Variants in CPEB1 observed in about 807,000 individuals in gnomAD.
CPEB1 encodes the protein cytoplasmic polyadenylation element-binding protein 1.
CPEB1 carries 7 observed loss-of-function variants against 65.8 expected under a neutral mutation model. The ratio of observed to expected loss-of-function variants is 0.11; its 90% confidence interval spans 0.06 to 0.20. The LOEUF (loss-of-function observed/expected upper bound fraction) is 0.20, where lower values mean the gene tolerates loss of function less well. Among genes scored for constraint, CPEB1 ranks in the 10% least tolerant of loss-of-function variants. The probability of loss-of-function intolerance (pLI) is 1.00; values close to 1 mark genes in which losing one functional copy is unlikely to be tolerated. For missense variants in CPEB1, 551 were observed against 712.2 expected (o/e 0.77, Z 2.58); for synonymous variants, 262 against 260.0 (o/e 1.01, Z -0.08).
At chr15:82,615,197 T>C (rs531636476) in intron 3 of CPEB1, among the ~76,000 whole-genome samples, 9 of 152,284 alleles carry the variant, frequency 5.9e-5, no homozygotes, top group South Asian at 2.1e-4. Context: ...AAACGGACAA[T>C]GTTTTTTCAA....
intron 10 of CPEB1, chr15:82,548,855 A>G: frequency 3.5e-5 from 12 of 346,900 alleles, no homozygotes; most frequent in South Asian, 2.5e-4. Flanking sequence ...GCCACATGTT[A>G]ATCACAGAGG....
At position 82,547,120 on chromosome 15, in the gene CPEB1, A is replaced by C. The variant is rs200967570; in HGVS notation, c.1575+23T>G. Reference sequence around the variant, plus strand: ...AACCCCTCTCATATACCCCAGAGTAAGGGCATAAACCAGCCAACTCACCTT... The same window carrying C: ...AACCCCTCTCATATACCCCAGAGTACGGGCATAAACCAGCCAACTCACCTT... On this transcript the variant is annotated intron_variant, in intron 11 of 12. Transcript: ENST00000684509. 6.0e-5 allele frequency: 93 copies of C among 1,541,830 alleles called. No individual in the cohort carries two copies. The African/African-American group carries it at 1.2e-3, about 19-fold the overall frequency.
At chr15:82,612,881 A>G (rs1372893826) in intron 3 of CPEB1, among the ~76,000 whole-genome samples, 1 of 152,086 alleles carries the variant, frequency 6.6e-6, no homozygotes, top group Non-Finnish European at 1.5e-5. Flanking sequence ...AAACAAACAA[A>G]AAACTGAATC....
At chr15:82,603,252 G>C (rs1311696078) in intron 3 of CPEB1, among the ~76,000 whole-genome samples, 1 of 151,958 alleles carries the variant, frequency 6.6e-6, no homozygotes, top group Non-Finnish European at 1.5e-5. Flanking sequence ...GTCATTACTT[G>C]ACCTTTTACA....
chr15:82,637,405 C>T (rs1208911385), intron 1 of CPEB1, among the ~76,000 whole-genome samples: 4 of 152,114 alleles, frequency 2.6e-5, no homozygotes, highest in East Asian at 1.9e-4. Flanking sequence ...CTTGGTTATA[C>T]CTGCCACAGC....
upstream of CPEB1, chr15:82,647,889 C>G: frequency 8.1e-7 from 1 of 1,237,506 alleles, no homozygotes; most frequent in Non-Finnish European, 1.0e-6. Flanking sequence ...TGTGGCCCTG[C>G]GGGGCTGACG....
Position 82,627,387 on chromosome 15 carries a change from G to A in CPEB1, c.97-20C>T. Reference sequence around the variant, plus strand: ...TTCTTCCTAGACACAGAAAAAAAAAGATATTTAGGTTTTCTACACTCCTTT... The same window carrying A: ...TTCTTCCTAGACACAGAAAAAAAAAAATATTTAGGTTTTCTACACTCCTTT... On this transcript the variant is annotated intron_variant, in intron 2 of 12. Transcript: ENST00000684509. 1 of 1,584,454 alleles carries A rather than the reference G, an allele frequency of 6.3e-7. No individual in the cohort carries two copies. Among genetic ancestry groups the A allele is most frequent in the East Asian group, 2.2e-5 (1 of 44,576 alleles).
rs940990247 is a variant in CPEB1 at position 82,579,826 on chromosome 15, G to A, written c.272-8294C>T. ...ACTCGGGAGGCTGAGGCAGGAGAAT[G>A]GCGTGAACCCGGGAAGCGGAGCTTG... On this transcript the variant is annotated intron_variant, in intron 3 of 12. Coordinates refer to ENST00000684509, the MANE Select transcript of CPEB1 (RefSeq NM_001365242.1). Among the ~76,000 whole-genome samples, 11 of 144,472 alleles carry A rather than the reference G, an allele frequency of 7.6e-5. No individual in the cohort carries two copies. The East Asian group carries it at 2.4e-3, about 31-fold the overall frequency. The allele number at this position is 144,472 out of a possible 152,430, so 94.8% of individuals were successfully genotyped here. A position where few individuals can be genotyped will look rare whatever the true frequency, so the allele number is the denominator to read the frequency against.
In CPEB1 at chr15:82,637,902, A is replaced by T. The variant is rs188160419; in HGVS notation, c.-98+9235T>A. 7.2e-4 allele frequency: 299 copies of T among 414,278 alleles called. 1 individual carries two copies. The highest frequency in any genetic ancestry group is 5.7e-3 in the African/African-American group (275 of 48,546). The allele number at this position is 414,278 out of a possible 1,614,324, so 25.7% of individuals were successfully genotyped here. A position where few individuals can be genotyped will look rare whatever the true frequency, so the allele number is the denominator to read the frequency against. On this transcript the variant is annotated intron_variant, in intron 1 of 12. Coordinates refer to ENST00000684509, the MANE Select transcript of CPEB1 (RefSeq NM_001365242.1). ...TATGAATATTCACCCATTAGAAATT[A>T]AAAAGGGGTAGATTTATTAACCATT...
chr15:82,564,340 C>T (rs967863803), intron 4 of CPEB1, among the ~76,000 whole-genome samples: 9 of 152,018 alleles, frequency 5.9e-5, no homozygotes, highest in Non-Finnish European at 1.2e-4. Context: ...GGCTGGAGTG[C>T]GGTGGCGTGA....
At chr15:82,554,946 C>G (rs2036934126) in intron 6 of CPEB1, among the ~76,000 whole-genome samples, 1 of 152,108 alleles carries the variant, frequency 6.6e-6, no homozygotes, top group Non-Finnish European at 1.5e-5. Context: ...AGATGGGTTG[C>G]CAAAATCATT....
At chr15:82,618,358 T>C (rs2044960037) in intron 3 of CPEB1, among the ~76,000 whole-genome samples, 1 of 152,220 alleles carries the variant, frequency 6.6e-6, no homozygotes, top group Non-Finnish European at 1.5e-5. Flanking sequence ...ATGTATATTC[T>C]CTCTCATATA....
chr15:82,591,839 G>A (rs1209347509), intron 3 of CPEB1, among the ~76,000 whole-genome samples: 1 of 148,486 alleles, frequency 6.7e-6, no homozygotes, highest in African/African-American at 2.5e-5. Flanking sequence ...GTTTGTATCA[G>A]AACTTTTTTT....
At chr15:82,554,568 A>C (rs1411602691) in intron 6 of CPEB1, among the ~76,000 whole-genome samples, 1 of 152,174 alleles carries the variant, frequency 6.6e-6, no homozygotes, top group African/African-American at 2.4e-5. Context: ...TATAGCACCC[A>C]AATAGACAAT....
chr15:82,611,635 C>T (rs7175198), intron 3 of CPEB1, among the ~76,000 whole-genome samples: 1 of 151,786 alleles, frequency 6.6e-6, no homozygotes, highest in Non-Finnish European at 1.5e-5. Context: ...CACGGTGGCA[C>T]ACACCTGCAG....
Position 82,647,140 on chromosome 15 carries a change from A to C in CPEB1, c.-101T>G, listed in dbSNP as rs1347727675. 6.6e-6 allele frequency: 1 copy of C among 152,462 alleles called. No homozygotes were observed. The highest frequency in any genetic ancestry group is 1.5e-5 in the Non-Finnish European group (1 of 68,384). 9.4% of individuals were successfully genotyped at this position (152,462 alleles called of 1,614,324 possible). ...CCCGCCCATGACCAGGACCCACCTC[A>C]ATGCCGCCAGCCCGGCGGGTCTCCC... On this transcript the variant is annotated 5_prime_UTR_variant, in exon 1 of 13. In the 5' UTR this introduces an upstream ATG that the reference lacks. Transcript: ENST00000684509.
At chr15:82,544,896 C>G (rs1030393758) in intron 12 of CPEB1, among the ~76,000 whole-genome samples, 194 bp from the exon 13 acceptor site, 2 of 152,166 alleles carry the variant, frequency 1.3e-5, no homozygotes, top group African/African-American at 4.8e-5. Context: ...AACCCACCAT[C>G]CTTGTTACAG....
chr15:82,592,943 G>A (rs977545436), intron 3 of CPEB1, among the ~76,000 whole-genome samples: 1 of 152,196 alleles, frequency 6.6e-6, no homozygotes, highest in Admixed American at 6.5e-5. Context: ...GTTGCAGTGA[G>A]CCAAGATTGC....
At chr15:82,560,045 C>T (rs776325703) in intron 4 of CPEB1, among the ~76,000 whole-genome samples, 18 of 152,172 alleles carry the variant, frequency 1.2e-4, no homozygotes, top group Non-Finnish European at 2.4e-4. Context: ...GATTGCGCCA[C>T]TACACTCCAG....
Sources: allele counts gnomAD v4.1 joint callset (sites outside exome capture counted in the v4.1 genomes callset), GRCh38; gene constraint gnomAD v4.1.1; transcripts MANE v1.5; gene names NCBI Gene and HGNC (gene_info 2026-07-23, HGNC 2026-07-21).